The following DENND4A variants were observed in gnomAD, a reference collection of about 807,000 sequenced individuals.
The protein encoded by DENND4A is DENN domain containing 4A.
Under a neutral mutation model 199.3 loss-of-function variants are expected in DENND4A, and 70 were observed. The observed-to-expected ratio is 0.35, with a 90% confidence interval of 0.29 to 0.43. The LOEUF (loss-of-function observed/expected upper bound fraction) is 0.43. DENND4A is among the 20% of genes least tolerant of loss of function. The pLI is 1.00. For synonymous variants in DENND4A, 686 were observed against 766.9 expected (o/e 0.89, Z 1.74); for missense variants, 1,723 against 2,255.8 (o/e 0.76, Z 4.78).
chr15:65,716,088 A>G (rs2140260640), intron 13 of DENND4A, among the ~76,000 whole-genome samples: 1 of 152,122 alleles, frequency 6.6e-6, no homozygotes, highest in African/African-American at 2.4e-5. Context: ...CACCTTACTA[A>G]TTATGCTCAG....
intron 1 of DENND4A, among the ~76,000 whole-genome samples, chr15:65,789,541 G>A (rs2077659836): frequency 6.6e-6 from 1 of 150,668 alleles, no homozygotes; most frequent in African/African-American, 2.4e-5. Flanking sequence ...AAATGTATCA[G>A]CTATTCTCAG....
At chr15:65,704,291 A>G (rs2074972286) in intron 15 of DENND4A, among the ~76,000 whole-genome samples, 1 of 152,216 alleles carries the variant, frequency 6.6e-6, no homozygotes, top group South Asian at 2.1e-4. Flanking sequence ...TATGGTAATG[A>G]TTATACCAAA....
chr15:65,776,172 ACCC>A (rs925873932), intron 1 of DENND4A, among the ~76,000 whole-genome samples: 4 of 152,198 alleles, frequency 2.6e-5, no homozygotes, highest in African/African-American at 7.2e-5. Context: ...GCAATGTTAC[ACCC>A]CCATTTCTGT....
intron 22 of DENND4A, among the ~76,000 whole-genome samples, chr15:65,693,025 A>G (rs2077024658): frequency 6.6e-6 from 1 of 152,138 alleles, no homozygotes; most frequent in South Asian, 2.1e-4. Context: ...GGTAACAGAG[A>G]TTCTATGTGC....
At position 65,784,968 on chromosome 15, in the gene DENND4A, T is replaced by C. The variant is rs1471625774; in HGVS notation, c.-102+7042A>G. On this transcript the variant is annotated intron_variant, in intron 1 of 32. Transcript: ENST00000443035. ...TTTAAGACCAGCCTGACCAAGATGGTGAAACCCCACCTCTAACAAAAAATA... is the reference window on the plus strand; with the variant it reads ...TTTAAGACCAGCCTGACCAAGATGGCGAAACCCCACCTCTAACAAAAAATA... 2.0e-5 allele frequency among the ~76,000 whole-genome samples: 3 copies of C among 152,062 alleles called. No homozygotes were observed. In the East Asian group the frequency reaches 5.8e-4, roughly 29 times the overall value.
chr15:65,750,581 G>A (rs993279822), intron 4 of DENND4A, among the ~76,000 whole-genome samples: 7 of 151,920 alleles, frequency 4.6e-5, no homozygotes, highest in African/African-American at 1.7e-4. Context: ...AACACAAAAG[G>A]GTCTGGAAGG....
At chr15:65,736,452 G>A (rs1386433615) in intron 7 of DENND4A, among the ~76,000 whole-genome samples, 1 of 148,608 alleles carries the variant, frequency 6.7e-6, no homozygotes, top group Non-Finnish European at 1.5e-5. Context: ...TTTTAGTAGA[G>A]ACAGGGTTTC....
chr15:65,737,686 A>G, intron 7 of DENND4A, 21 bp downstream of exon 7: 2 of 1,547,758 alleles, frequency 1.3e-6, no homozygotes, highest in Non-Finnish European at 1.7e-6. Context: ...TCAAATGTTG[A>G]ACCAAGAACA....
chr15:65,772,174 T>G (rs561914407), intron 1 of DENND4A: 1 of 688,646 alleles, frequency 1.5e-6, no homozygotes, highest in African/African-American at 1.8e-5. Context: ...TTCAATTACA[T>G]TAGCAACACC....
At chr15:65,722,555 C>T (rs2075680283) in intron 12 of DENND4A, among the ~76,000 whole-genome samples, 1 of 151,596 alleles carries the variant, frequency 6.6e-6, no homozygotes, top group African/African-American at 2.4e-5. Flanking sequence ...CCTTAACATC[C>T]TTTTGAATTT....
At chr15:65,706,331 G>A in intron 14 of DENND4A, 107 bp from the exon 15 acceptor site, 1 of 1,113,968 alleles carries the variant, frequency 9.0e-7, no homozygotes. Flanking sequence ...ATACTAAACA[G>A]CTATTAAAAA....
intron 3 of DENND4A, among the ~76,000 whole-genome samples, chr15:65,755,792 T>G (rs544097905): frequency 6.6e-6 from 1 of 152,146 alleles, no homozygotes; most frequent in Non-Finnish European, 1.5e-5. Context: ...CCATCTATAC[T>G]GATCATTATA....
intron 17 of DENND4A, 59 bp downstream of exon 17, chr15:65,702,246 G>A (rs900455786): frequency 7.3e-7 from 1 of 1,367,600 alleles, no homozygotes; most frequent in Non-Finnish European, 1.0e-6. Context: ...TCCAGCCTGG[G>A]TGACAGAGTG....
rs970819997 is a variant in DENND4A at position 65,660,887 on chromosome 15, A to G, written c.*964T>C. 3 of 152,232 alleles carry G rather than the reference A, an allele frequency of 2.0e-5. No homozygotes were observed. Among genetic ancestry groups the G allele is most frequent in the African/African-American group, 7.2e-5 (3 of 41,464 alleles). 9.4% of individuals were successfully genotyped at this position (152,232 alleles called of 1,614,324 possible). ...AATATTCTATAGTATAATTTGCATC[A>G]TACCCAATATTTTAGATATTAAAAT... On this transcript the variant is annotated 3_prime_UTR_variant, in exon 33 of 33. Coordinates refer to ENST00000443035, the MANE Select transcript of DENND4A (RefSeq NM_001320835.1).
At chr15:65,741,213 C>T (rs2076252628) in intron 5 of DENND4A, among the ~76,000 whole-genome samples, 1 of 152,108 alleles carries the variant, frequency 6.6e-6, no homozygotes, top group Admixed American at 6.5e-5. Flanking sequence ...CCACCATGCC[C>T]TGCATAAAAG....
chr15:65,663,696 C>G (rs2075948242), intron 32 of DENND4A, among the ~76,000 whole-genome samples: 1 of 152,142 alleles, frequency 6.6e-6, no homozygotes, highest in Admixed American at 6.5e-5. Context: ...ACAGCCCAAG[C>G]TGGCATGCAG....
At chr15:65,678,782 C>A (rs1459254935) in intron 23 of DENND4A, among the ~76,000 whole-genome samples, 4 of 152,130 alleles carry the variant, frequency 2.6e-5, no homozygotes, top group Non-Finnish European at 5.9e-5. Context: ...CTCGACTCCT[C>A]AGGCTCAGGT....
At chr15:65,724,126 C>G (rs551298325) in intron 11 of DENND4A, among the ~76,000 whole-genome samples, 1 of 152,026 alleles carries the variant, frequency 6.6e-6, no homozygotes, top group African/African-American at 2.4e-5. Flanking sequence ...GGCATGATCA[C>G]GGCTCACTGC....
intron 1 of DENND4A, among the ~76,000 whole-genome samples, chr15:65,779,124 G>GA (rs963456902): frequency 3.3e-5 from 5 of 151,088 alleles, no homozygotes; most frequent in Non-Finnish European, 5.9e-5. Context: ...AAATTAGAAG[G>GA]AAAAAAAACC....
Sources: allele counts gnomAD v4.1 joint callset (sites outside exome capture counted in the v4.1 genomes callset), GRCh38; gene constraint gnomAD v4.1.1; transcripts MANE v1.5; gene names NCBI Gene and HGNC (gene_info 2026-07-23, HGNC 2026-07-21).